GPR158: variants seen among roughly 807,000 people sequenced by gnomAD.
The protein encoded by GPR158 is G protein-coupled receptor 158, also known as metabotropic glycine receptor.
GPR158 carries 30 observed loss-of-function variants against 78.2 expected under a neutral mutation model. The observed-to-expected ratio is 0.38, with a 90% CI of 0.29 to 0.52. The LOEUF is 0.52. Ranked by LOEUF, GPR158 falls within the 20% of genes least tolerant of loss-of-function variation. The pLI, the probability that GPR158 is intolerant of heterozygous loss-of-function variation, is 0.83. For missense variants in GPR158, 1,463 were observed against 1,523.5 expected (o/e 0.96, Z 0.66); for synonymous variants, 581 against 591.1 (o/e 0.98, Z 0.25).
At chr10:25,318,626 T>C (rs1016697499) in intron 2 of GPR158, among the ~76,000 whole-genome samples, 1 of 152,216 alleles carries the variant, frequency 6.6e-6, no homozygotes, top group Non-Finnish European at 1.5e-5. Context: ...GTGTTCTCTC[T>C]TCTAGTTATA....
chr10:25,294,595 G>A (rs539225075), intron 2 of GPR158, among the ~76,000 whole-genome samples: 1 of 151,080 alleles, frequency 6.6e-6, no homozygotes, highest in East Asian at 1.9e-4. Context: ...ACCATTACAG[G>A]TGATAGTATG....
At chr10:25,552,583 T>G (rs1157506198) in intron 6 of GPR158, among the ~76,000 whole-genome samples, 1 of 152,206 alleles carries the variant, frequency 6.6e-6, no homozygotes, top group Non-Finnish European at 1.5e-5. Flanking sequence ...CTCCTTGTAG[T>G]GAGAATTATA....
chr10:25,261,505 C>T (rs1474216288), intron 2 of GPR158, among the ~76,000 whole-genome samples: 1 of 151,700 alleles, frequency 6.6e-6, no homozygotes, highest in Non-Finnish European at 1.5e-5. Flanking sequence ...TTTTGTTTTC[C>T]TCCACTGAGA....
chr10:25,395,888 T>G (rs1425961682), intron 2 of GPR158, 23 bp from the exon 3 acceptor site: 2 of 1,152,800 alleles, frequency 1.7e-6, no homozygotes, highest in South Asian at 2.5e-5. Context: ...ATCAACTATG[T>G]TGCTGTCTTT....
intron 2 of GPR158, among the ~76,000 whole-genome samples, chr10:25,317,728 T>G (rs1046698436): frequency 4.6e-5 from 6 of 131,264 alleles, no homozygotes; most frequent in African/African-American, 1.7e-4. Flanking sequence ...TTTTTTTTGT[T>G]TTGTTTTGTT....
intron 2 of GPR158, among the ~76,000 whole-genome samples, chr10:25,315,147 G>T (rs1268354935): frequency 6.6e-6 from 1 of 151,820 alleles, no homozygotes; most frequent in Non-Finnish European, 1.5e-5. Flanking sequence ...ATAATTTGAA[G>T]CTTAATTGAT....
chr10:25,344,641 C>A (rs1312408746), intron 2 of GPR158, among the ~76,000 whole-genome samples: 2 of 151,888 alleles, frequency 1.3e-5, no homozygotes, highest in African/African-American at 2.4e-5. Context: ...CATGATGAAG[C>A]CCAGAAACTC....
At chr10:25,183,131 A>G (rs1852634434) in intron 1 of GPR158, among the ~76,000 whole-genome samples, 1 of 152,182 alleles carries the variant, frequency 6.6e-6, no homozygotes, top group Non-Finnish European at 1.5e-5. Context: ...CACATAGCGT[A>G]ATTTCCACTT....
intron 7 of GPR158, among the ~76,000 whole-genome samples, chr10:25,575,884 T>TATC (rs148471681): frequency 0.022 from 3,364 of 152,166 alleles, 51 homozygotes; most frequent in African/African-American, 0.038. Context: ...CATTTATTCT[T>TATC]ATCTTTTCTC....
chr10:25,218,016 C>T (rs887835707), intron 1 of GPR158, among the ~76,000 whole-genome samples: 1 of 152,106 alleles, frequency 6.6e-6, no homozygotes, highest in Non-Finnish European at 1.5e-5. Context: ...CGATGGGGCT[C>T]TCACCTTGCC....
chr10:25,302,474 ACT>A (rs909284477), intron 2 of GPR158, among the ~76,000 whole-genome samples: 19 of 150,890 alleles, frequency 1.3e-4, no homozygotes, highest in African/African-American at 4.4e-4. Flanking sequence ...CAGCCTTGAA[ACT>A]CTGTCTTCCC....
chr10:25,230,752 T>A (rs557330356), intron 2 of GPR158, among the ~76,000 whole-genome samples: 19 of 152,286 alleles, frequency 1.2e-4, no homozygotes, highest in Non-Finnish European at 2.4e-4. Flanking sequence ...CAGATTTTTT[T>A]AAAAATGAAA....
chr10:25,222,076 G>A (rs1853305715), intron 2 of GPR158, among the ~76,000 whole-genome samples: 2 of 152,028 alleles, frequency 1.3e-5, no homozygotes, highest in African/African-American at 2.4e-5. Context: ...ACTTATTTGT[G>A]CCATTACACA....
At chr10:25,222,770 G>A (rs1588743148) in intron 2 of GPR158, among the ~76,000 whole-genome samples, 1 of 152,166 alleles carries the variant, frequency 6.6e-6, no homozygotes, top group Non-Finnish European at 1.5e-5. Flanking sequence ...GTGTCATATT[G>A]TGGATATTGA....
chr10:25,590,878 A>G (rs72790324), intron 8 of GPR158, among the ~76,000 whole-genome samples: 8,884 of 152,256 alleles, frequency 0.058, 349 homozygotes, highest in South Asian at 0.11. Flanking sequence ...AAATATCTAA[A>G]TATCCTTTAA....
At chr10:25,252,145 G>A (rs978777745) in intron 2 of GPR158, among the ~76,000 whole-genome samples, 5 of 152,014 alleles carry the variant, frequency 3.3e-5, no homozygotes, top group African/African-American at 1.2e-4. Flanking sequence ...TAGTTCTCGA[G>A]CCTTGGTTTT....
At chr10:25,340,500 G>A (rs922592649) in intron 2 of GPR158, among the ~76,000 whole-genome samples, 1 of 151,972 alleles carries the variant, frequency 6.6e-6, no homozygotes, top group Admixed American at 6.6e-5. Context: ...GTTAAATACA[G>A]CTTAAAATTT....
At chr10:25,241,414 T>TCTTC (rs1564399847) in intron 2 of GPR158, among the ~76,000 whole-genome samples, 127 of 54,914 alleles carry the variant, frequency 2.3e-3, no homozygotes, top group Middle Eastern at 9.1e-3. Context: ...CTCTTCTCTT[T>TCTTC]TCTTTTCTTT....
At chr10:25,436,147 T>C (rs1246574323) in intron 4 of GPR158, among the ~76,000 whole-genome samples, 1 of 152,232 alleles carries the variant, frequency 6.6e-6, no homozygotes, top group Non-Finnish European at 1.5e-5. Flanking sequence ...TAAACTTGAT[T>C]TTCAGATAAA....
Sources: gnomAD v4.1 joint callset for allele counts (sites outside exome capture counted in the v4.1 genomes callset) on GRCh38, gnomAD v4.1.1 for gene constraint, MANE v1.5 for transcripts, NCBI Gene and HGNC (gene_info 2026-07-23, HGNC 2026-07-21) for gene names.